STPG4: variants seen among roughly 807,000 people sequenced by gnomAD.
STPG4 encodes protein STPG4.
Under a neutral mutation model 31.5 loss-of-function variants are expected in STPG4, and 41 were observed. The observed-to-expected ratio is 1.30, with a 90% confidence interval of 1.01 to 1.69. The LOEUF (loss-of-function observed/expected upper bound fraction) is 1.69. STPG4 is among the 40% of genes most tolerant of loss of function. The pLI is 0.00. For missense variants in STPG4, 375 were observed against 293.4 expected (o/e 1.28, Z -2.03); for synonymous variants, 141 against 103.0 (o/e 1.37, Z -2.24).
intron 3 of STPG4, among the ~76,000 whole-genome samples, chr2:47,138,499 C>G (rs967134675): frequency 6.6e-6 from 1 of 151,360 alleles, no homozygotes; most frequent in African/African-American, 2.4e-5. Context: ...TCAAGTGAGT[C>G]TCCTGCCTCA....
In STPG4 at chr2:47,115,933, C is replaced by T. The variant is rs112926624; in HGVS notation, c.519+14008G>A. On this transcript the variant is annotated intron_variant, in intron 5 of 6. Coordinates refer to ENST00000445927, the MANE Select transcript of STPG4 (RefSeq NM_001163561.2). ...GCTTCCAAATTGCTAGGATGACAGG[C>T]GTGAGCCACCAGGCCCGACCTAAAG... 3.1e-3 allele frequency among the ~76,000 whole-genome samples: 478 copies of T among 152,274 alleles called. 3 individuals carry two copies. The highest frequency in any genetic ancestry group is 0.01 in the African/African-American group (416 of 41,564).
At chr2:47,089,756 C>T (rs1424786438) in intron 6 of STPG4, among the ~76,000 whole-genome samples, 4 of 152,118 alleles carry the variant, frequency 2.6e-5, no homozygotes, top group Non-Finnish European at 4.4e-5. Context: ...CCAGGATCCA[C>T]TTTCTTTGTA....
chr2:47,096,668 C>G (rs765669056), intron 5 of STPG4, among the ~76,000 whole-genome samples: 1 of 152,126 alleles, frequency 6.6e-6, no homozygotes, highest in Admixed American at 6.6e-5. Context: ...TCATTAAAAC[C>G]AAGCTTAAAA....
rs115710981 is a variant in STPG4, at chr2:47,128,710, G to C, written c.519+1231C>G. The stretch of plus-strand genomic sequence containing the variant: ...TGGGCTCCCCTCTGGCCCAGTGGGA[G>C]TCCAGAAATGACATCCAGGAGCCAA... On this transcript the variant is annotated intron_variant, in intron 5 of 6. Transcript: ENST00000445927. Among the ~76,000 whole-genome samples the C allele has an allele frequency of 9.6e-3, 1,463 of 152,164 alleles. 31 individuals are homozygous for C. The highest frequency in any genetic ancestry group is 0.033 in the African/African-American group (1,354 of 41,524).
At chr2:47,114,734 C>T (rs554395960) in intron 5 of STPG4, among the ~76,000 whole-genome samples, 13 of 152,084 alleles carry the variant, frequency 8.5e-5, no homozygotes, top group Non-Finnish European at 1.8e-4. Flanking sequence ...GTTTCACTCC[C>T]TCATTCTTAA....
chr2:47,134,685 G>A (rs910144513), intron 3 of STPG4, among the ~76,000 whole-genome samples: 3 of 152,202 alleles, frequency 2.0e-5, no homozygotes, highest in African/African-American at 7.2e-5. Context: ...AGGCTTTTGG[G>A]TGGGTGTAAG....
intron 4 of STPG4, 83 bp from the exon 5 acceptor site, chr2:47,130,078 T>A (rs760919586): frequency 9.5e-6 from 14 of 1,477,596 alleles, no homozygotes; most frequent in Non-Finnish European, 1.3e-5. Context: ...TACCTTTCAT[T>A]AAATATTTTA....
chr2:47,124,529 G>C (rs867280813), intron 5 of STPG4, among the ~76,000 whole-genome samples: 1 of 152,056 alleles, frequency 6.6e-6, no homozygotes, highest in East Asian at 1.9e-4. Context: ...TGCAAAGTTT[G>C]CCTTTCCGTG....
chr2:47,111,996 G>C (rs1476387911), intron 5 of STPG4, among the ~76,000 whole-genome samples: 1 of 152,138 alleles, frequency 6.6e-6, no homozygotes, highest in Non-Finnish European at 1.5e-5. Context: ...TAACAAGTGA[G>C]AATAGCTCCT....
chr2:47,109,235 T>C (rs570280612), intron 5 of STPG4, among the ~76,000 whole-genome samples: 1 of 152,112 alleles, frequency 6.6e-6, no homozygotes, highest in Non-Finnish European at 1.5e-5. Context: ...AGAAGAAAAA[T>C]TGCCAGGATA....
chr2:47,121,833 A>G (rs1686276705), intron 5 of STPG4, among the ~76,000 whole-genome samples: 1 of 136,928 alleles, frequency 7.3e-6, no homozygotes, highest in African/African-American at 2.8e-5. Context: ...TCTATATTTG[A>G]ATTGCCCTCT....
chr2:47,089,920 C>T (rs996874623), intron 6 of STPG4, among the ~76,000 whole-genome samples: 3 of 152,218 alleles, frequency 2.0e-5, no homozygotes, highest in African/African-American at 7.2e-5. Flanking sequence ...ACACAGAGAA[C>T]AGCCATTCTG....
chr2:47,153,037 T>C (rs755807146), intron 1 of STPG4, 21 bp from the exon 2 acceptor site: 1 of 1,585,596 alleles, frequency 6.3e-7, no homozygotes, highest in Non-Finnish European at 8.6e-7. Context: ...ACACAAAGTA[T>C]GCTTATTCAT....
At chr2:47,146,353 C>A (rs1686819894) in intron 3 of STPG4, among the ~76,000 whole-genome samples, 1 of 152,108 alleles carries the variant, frequency 6.6e-6, no homozygotes, top group Admixed American at 6.6e-5. Flanking sequence ...CCCCACCCAA[C>A]CACAACAAAG....
intron 3 of STPG4, among the ~76,000 whole-genome samples, chr2:47,146,690 A>G (rs565858088): frequency 3.9e-5 from 6 of 152,342 alleles, no homozygotes; most frequent in African/African-American, 1.4e-4. Flanking sequence ...AGACTGGATG[A>G]GATCACCATT....
intron 5 of STPG4, among the ~76,000 whole-genome samples, chr2:47,094,461 A>G (rs764692851): frequency 3.3e-5 from 5 of 152,188 alleles, no homozygotes; most frequent in Non-Finnish European, 5.9e-5. Context: ...AAGAAGCCCT[A>G]TTTAATTGTG....
chr2:47,113,825 G>C (rs776805367), intron 5 of STPG4, among the ~76,000 whole-genome samples: 27 of 151,844 alleles, frequency 1.8e-4, no homozygotes, highest in Admixed American at 4.6e-4. Context: ...ACGAGGTCAA[G>C]AGATCAAGAC....
chr2:47,129,632 A>G (rs115772421), intron 5 of STPG4: 3,580 of 273,754 alleles, frequency 0.013, 35 homozygotes, highest in Non-Finnish European at 0.019. Flanking sequence ...TTCTCTCTTC[A>G]TGCCACGTGG....
At chr2:47,089,878 A>G (rs892341981) in intron 6 of STPG4, among the ~76,000 whole-genome samples, 2 of 152,110 alleles carry the variant, frequency 1.3e-5, no homozygotes, top group Non-Finnish European at 2.9e-5. Flanking sequence ...TCTGCTTCAA[A>G]TTTTGCTTCC....
Sources: gnomAD v4.1 joint callset for allele counts (sites outside exome capture counted in the v4.1 genomes callset) on GRCh38, gnomAD v4.1.1 for gene constraint, MANE v1.5 for transcripts, NCBI Gene and HGNC (gene_info 2026-07-23, HGNC 2026-07-21) for gene names.